Variants in TMX1 observed in about 807,000 individuals in gnomAD.
TMX1 encodes thioredoxin related transmembrane protein 1.
In TMX1, 25 loss-of-function variants were observed where a neutral mutation model predicts 36.6. The ratio of observed to expected loss-of-function variants is 0.68; its 90% CI spans 0.50 to 0.95. TMX1 has a LOEUF of 0.95. TMX1 is among the 40% of genes least tolerant of loss of function. The probability of loss-of-function intolerance (pLI) is 0.00; values close to 1 mark genes in which losing one functional copy is unlikely to be tolerated. For missense variants in TMX1, 347 were observed against 339.6 expected, an observed-to-expected ratio of 1.02 and a Z score of -0.17; for synonymous variants, 133 against 118.0, an observed-to-expected ratio of 1.13 and a Z score of -0.82.
At chr14:51,251,925 C>T (rs114918293) in intron 7 of TMX1, among the ~76,000 whole-genome samples, 3,073 of 152,162 alleles carry the variant, frequency 0.02, 51 homozygotes, top group African/African-American at 0.051. Context: ...CTATAGGCCC[C>T]GGGGCCTGAA....
At chr14:51,241,755 CAAGTT>C (rs1208290699) in intron 1 of TMX1, among the ~76,000 whole-genome samples, 1 of 152,138 alleles carries the variant, frequency 6.6e-6, no homozygotes, top group Non-Finnish European at 1.5e-5. Flanking sequence ...CAAGGGTTGT[CAAGTT>C]AAGGAGGCCA....
chr14:51,248,388 G>A (rs1249528779), intron 4 of TMX1, among the ~76,000 whole-genome samples: 1 of 152,186 alleles, frequency 6.6e-6, no homozygotes, highest in African/African-American at 2.4e-5. Flanking sequence ...CTGGGGATGG[G>A]AGAAAGATTA....
intron 3 of TMX1, among the ~76,000 whole-genome samples, chr14:51,246,702 T>G (rs1023412557): frequency 6.6e-6 from 1 of 152,222 alleles, no homozygotes; most frequent in African/African-American, 2.4e-5. Flanking sequence ...TGCCTTAAAA[T>G]TTTAAGTTAT....
intron 2 of TMX1, among the ~76,000 whole-genome samples, chr14:51,244,424 A>G (rs974462778): frequency 7.2e-5 from 11 of 152,210 alleles, no homozygotes; most frequent in African/African-American, 2.4e-4. Flanking sequence ...AGTCAAGGTC[A>G]CGTTCCCTGA....
In TMX1 at chr14:51,252,412, A is replaced by G. The variant is rs145516467; in HGVS notation, c.665-1929A>G. 2.7e-3 allele frequency among the ~76,000 whole-genome samples: 414 copies of G among 151,690 alleles called. 1 individual carries two copies. The highest frequency in any genetic ancestry group is 0.013 in the South Asian group (63 of 4,808). ...CAGAGAGATCTGATTGGGCATCCCA[A>G]CTCTACCACTTAGTAGCAAAGCAGT... On this transcript the variant is annotated intron_variant, in intron 7 of 7. Coordinates refer to ENST00000457354, the MANE Select transcript of TMX1 (RefSeq NM_030755.5).
intron 7 of TMX1, 136 bp from the exon 8 acceptor site, chr14:51,254,205 C>T (rs2065827921): frequency 6.4e-6 from 4 of 624,004 alleles, no homozygotes; most frequent in Non-Finnish European, 1.0e-5. Context: ...TCTTGAATAA[C>T]TTTCCTTTTG....
At chr14:51,246,269 T>C (rs553620052) in intron 3 of TMX1, among the ~76,000 whole-genome samples, 1 of 152,296 alleles carries the variant, frequency 6.6e-6, no homozygotes, top group East Asian at 1.9e-4. Context: ...CCTGCCCTTT[T>C]TCTTTTAGTC....
rs896054591 is a variant in TMX1 at position 51,247,565 on chromosome 14, G to T, written c.443+345G>T. Among the ~76,000 whole-genome samples, 3 of 152,012 alleles carry T rather than the reference G, an allele frequency of 2.0e-5. No homozygotes were observed. The East Asian group carries it at 5.8e-4, about 29-fold the overall frequency. Reference sequence around the variant, plus strand: ...GTAGAGACGGGGTTTCACTGTGTTAGCCAGGATGGTCTTGATCTCCTGACC... The same window carrying T: ...GTAGAGACGGGGTTTCACTGTGTTATCCAGGATGGTCTTGATCTCCTGACC... On this transcript the variant is annotated intron_variant, in intron 4 of 7. Transcript: ENST00000457354.
chr14:51,244,744 C>G (rs1159841583), intron 2 of TMX1, among the ~76,000 whole-genome samples: 1 of 152,116 alleles, frequency 6.6e-6, no homozygotes. Flanking sequence ...ATTATTTAAT[C>G]CTTATACAAC....
Position 51,255,614 on chromosome 14 carries a change from G to A in TMX1, c.*1095G>A, listed in dbSNP as rs1455307197. 6.6e-6 allele frequency: 1 copy of A among 151,912 alleles called. No homozygotes were observed. 9.4% of individuals were successfully genotyped at this position (151,912 alleles called of 1,614,324 possible). A position where few individuals can be genotyped will look rare whatever the true frequency, so the allele number is the denominator to read the frequency against. On this transcript the variant is annotated 3_prime_UTR_variant, in exon 8 of 8. Transcript: ENST00000457354. Reference sequence around the variant, plus strand: ...GATTTTACAGTCTGTAATGCTTGATGTTTTAAAATAATAACATTTTTATAT... The same window carrying A: ...GATTTTACAGTCTGTAATGCTTGATATTTTAAAATAATAACATTTTTATAT...
intron 1 of TMX1, among the ~76,000 whole-genome samples, chr14:51,241,120 G>A (rs911098307): frequency 6.6e-6 from 1 of 151,718 alleles, no homozygotes; most frequent in Non-Finnish European, 1.5e-5. Context: ...TGACTCCTAG[G>A]TCTTTGTAAA....
At chr14:51,246,544 G>C (rs900490897) in intron 3 of TMX1, among the ~76,000 whole-genome samples, 3 of 152,124 alleles carry the variant, frequency 2.0e-5, no homozygotes, top group African/African-American at 7.2e-5. Context: ...ATTGGGAATG[G>C]GAAGGAGGAG....
Position 51,244,006 on chromosome 14 carries a change from CT to C in TMX1, c.268+36del, listed in dbSNP as rs2065774293. On this transcript the variant is annotated intron_variant, in intron 2 of 7. Coordinates refer to ENST00000457354, the MANE Select transcript of TMX1 (RefSeq NM_030755.5). ...GTCTTTGGTTAGTTTTGTTTCTTTG[CT>C]GTTTGGGTTGATATATTTATCCTTT... 3 of 1,526,770 alleles carry C rather than the reference CT, an allele frequency of 2.0e-6. 1 individual carries two copies. The South Asian group carries it at 3.7e-5, about 19-fold the overall frequency. The allele number at this position is 1,526,770 out of a possible 1,614,324, so 94.6% of individuals were successfully genotyped here.
rs773212555 is a variant in TMX1, at chr14:51,240,302, T to G, written c.10T>G (p.Ser4Ala). 6.2e-7 allele frequency: 1 copy of G among 1,611,528 alleles called. No homozygotes were observed. Among genetic ancestry groups the G allele is most frequent in the Non-Finnish European group, 8.5e-7 (1 of 1,179,784 alleles). MAP[S>A]GSLAVPLAVL... Reference sequence around the variant, plus strand: ...GTGGGCAAGCGGCGAAATGGCGCCCTCCGGGAGTCTTGCAGTTCCCCTGGC... The same window carrying G: ...GTGGGCAAGCGGCGAAATGGCGCCCGCCGGGAGTCTTGCAGTTCCCCTGGC... The change falls in exon 1 of 8, where the codon TCC (serine) becomes GCC (alanine). Residue 4 changes from serine (S) to alanine (A), a missense_variant. Physicochemically the swap from Ser to Ala is moderately conservative, Grantham distance 99 (BLOSUM62 1). Transcript: ENST00000457354.
chr14:51,249,636 A>G, intron 6 of TMX1, 57 bp from the exon 7 acceptor site: 1 of 1,594,564 alleles, frequency 6.3e-7, no homozygotes, highest in Non-Finnish European at 8.6e-7. Flanking sequence ...TAAAATAGTT[A>G]CATTAGCTGT....
intron 6 of TMX1, 23 bp from the exon 7 acceptor site, chr14:51,249,670 T>C: frequency 6.2e-7 from 1 of 1,607,234 alleles, no homozygotes; most frequent in Non-Finnish European, 8.5e-7. Context: ...CATTCAGATT[T>C]CTTACAATGT....
rs781513110 is a variant in TMX1, at chr14:51,245,333, A to G, written c.289A>G (p.Ile97Val). Residue 97 changes from isoleucine to valine, a missense_variant, in exon 3 of 8, where the codon ATA becomes GTA. Coordinates refer to ENST00000457354, the MANE Select transcript of TMX1 (RefSeq NM_030755.5). Reference sequence around the variant, plus strand: ...TGTAGGACTGAGTGGACGGTTTATCATAACTGCTCTTCCTACTATTTATCA... The same window carrying G: ...TGTAGGACTGAGTGGACGGTTTATCGTAACTGCTCTTCCTACTATTTATCA... ...EQPGLSGRFI[I>V]TALPTIYHCK... 6 of 1,613,914 alleles carry G rather than the reference A, an allele frequency of 3.7e-6. No individual in the cohort carries two copies. The African/African-American group carries it at 4.0e-5, about 11-fold the overall frequency.
chr14:51,252,109 G>T lies in TMX1; in HGVS notation c.665-2232G>T, dbSNP rs2065816879. ...GCACAATTTTAGAAACTTTAAAAGA[G>T]TTGAACCTAAGGAAATGACAGAGAT... On this transcript the variant is annotated intron_variant, in intron 7 of 7. Transcript: ENST00000457354. Among the ~76,000 whole-genome samples the T allele has an allele frequency of 2.6e-5, 4 of 151,624 alleles. No individual in the cohort carries two copies. The South Asian group carries it at 8.4e-4, about 32-fold the overall frequency.
chr14:51,246,228 T>C (rs927753928), intron 3 of TMX1, among the ~76,000 whole-genome samples: 5 of 152,154 alleles, frequency 3.3e-5, no homozygotes, highest in African/African-American at 1.2e-4. Context: ...GCTTTTCACT[T>C]CTTAGTGCCC....
Sources: allele counts gnomAD v4.1 joint callset (sites outside exome capture counted in the v4.1 genomes callset), GRCh38; gene constraint gnomAD v4.1.1; transcripts MANE v1.5; gene names NCBI Gene and HGNC (gene_info 2026-07-23, HGNC 2026-07-21).